SNX13: variants seen among roughly 807,000 people sequenced by gnomAD.
SNX13 encodes sorting nexin 13.
In SNX13, 45 loss-of-function variants were observed where a neutral mutation model predicts 133.6. The observed-to-expected ratio is 0.34, with a 90% CI of 0.27 to 0.43. The LOEUF (loss-of-function observed/expected upper bound fraction) is 0.43. SNX13 is among the 20% of genes least tolerant of loss of function. SNX13 has a pLI of 1.00. For missense variants in SNX13, 1,032 were observed against 1,145.1 expected, an observed-to-expected ratio of 0.90 and a Z score of 1.43; for synonymous variants, 414 against 373.9, an observed-to-expected ratio of 1.11 and a Z score of -1.24.
intron 11 of SNX13, among the ~76,000 whole-genome samples, chr7:17,847,713 C>G (rs1398299287): frequency 6.6e-6 from 1 of 152,176 alleles, no homozygotes; most frequent in Non-Finnish European, 1.5e-5. Flanking sequence ...GTTACTGTTT[C>G]TAATTTACCT....
intron 1 of SNX13, among the ~76,000 whole-genome samples, chr7:17,937,087 A>T (rs1252199635): frequency 6.6e-6 from 1 of 151,580 alleles, no homozygotes; most frequent in Non-Finnish European, 1.5e-5. Flanking sequence ...AAAAAAAAAA[A>T]AAATACATAC....
intron 20 of SNX13, among the ~76,000 whole-genome samples, chr7:17,806,999 G>A (rs1278825418): frequency 1.3e-5 from 2 of 152,122 alleles, no homozygotes; most frequent in African/African-American, 4.8e-5. Flanking sequence ...CGCCACCACG[G>A]GCCTGGGTTT....
At chr7:17,937,194 G>A (rs773170897) in intron 1 of SNX13, among the ~76,000 whole-genome samples, 5 of 151,494 alleles carry the variant, frequency 3.3e-5, no homozygotes, top group African/African-American at 7.3e-5. Context: ...AACTATATGG[G>A]AGCTATACTT....
intron 17 of SNX13, among the ~76,000 whole-genome samples, chr7:17,825,665 A>T (rs549736462): frequency 5.9e-5 from 9 of 152,294 alleles, no homozygotes; most frequent in African/African-American, 2.2e-4. Flanking sequence ...CTTTGTATAT[A>T]TGAAAACTAA....
intron 20 of SNX13, among the ~76,000 whole-genome samples, chr7:17,804,872 T>C (rs1415922074): frequency 6.6e-6 from 1 of 152,160 alleles, no homozygotes; most frequent in Non-Finnish European, 1.5e-5. Context: ...TAATAGATGG[T>C]AAGAAGACAA....
At chr7:17,850,478 T>C in intron 10 of SNX13, 43 bp from the exon 11 acceptor site, 2 of 1,216,388 alleles carry the variant, frequency 1.6e-6, no homozygotes, top group Non-Finnish European at 2.3e-6. Flanking sequence ...GTAGTGTTAT[T>C]TATGAAATAC....
chr7:17,916,749 A>T (rs1388962113), intron 1 of SNX13, among the ~76,000 whole-genome samples: 4 of 152,126 alleles, frequency 2.6e-5, no homozygotes, highest in Non-Finnish European at 5.9e-5. Context: ...AAGAGTTAGT[A>T]ACAATCCTAC....
chr7:17,800,978 A>G (rs1784544282), intron 22 of SNX13, among the ~76,000 whole-genome samples: 1 of 145,788 alleles, frequency 6.9e-6, no homozygotes, highest in South Asian at 2.1e-4. Flanking sequence ...ATAATTTGAA[A>G]AAGTACTTGG....
intron 1 of SNX13, among the ~76,000 whole-genome samples, chr7:17,907,092 GA>G (rs904076303): frequency 6.6e-6 from 1 of 151,958 alleles, no homozygotes; most frequent in Non-Finnish European, 1.5e-5. Context: ...CAAAATAATA[GA>G]AAAAAATCCT....
At chr7:17,827,771 G>GA (rs992446684) in intron 16 of SNX13, among the ~76,000 whole-genome samples, 17 of 149,036 alleles carry the variant, frequency 1.1e-4, no homozygotes, top group South Asian at 2.1e-4. Context: ...AAATGCTTTG[G>GA]AAAAAAAAAG....
intron 20 of SNX13, among the ~76,000 whole-genome samples, chr7:17,804,289 C>G (rs972162040): frequency 6.6e-6 from 1 of 152,076 alleles, no homozygotes; most frequent in Non-Finnish European, 1.5e-5. Context: ...TTCAAGGCAA[C>G]AGTTAGGTAT....
rs1583710921 is a variant in SNX13 at position 17,905,502 on chromosome 7, A to G, written c.13-8056T>C. ...TTAAATATTTTTAGAACTCCTTTTA[A>G]ATTGTCTTCAAAAGGCAGTTTTGCA... On this transcript the variant is annotated intron_variant, in intron 1 of 25. Transcript: ENST00000428135. 2.6e-5 allele frequency among the ~76,000 whole-genome samples: 4 copies of G among 152,330 alleles called. No individual in the cohort carries two copies. The South Asian group carries it at 8.3e-4, about 32-fold the overall frequency.
chr7:17,857,896 A>G (rs932159410), intron 9 of SNX13, among the ~76,000 whole-genome samples: 2 of 152,270 alleles, frequency 1.3e-5, no homozygotes, highest in South Asian at 4.1e-4. Flanking sequence ...CGATAAGCAT[A>G]ATACATGATG....
At position 17,814,841 on chromosome 7, in the gene SNX13, G is replaced by A. The variant is rs1354370986; in HGVS notation, c.2057C>T (p.Ala686Val). The change falls in exon 20 of 26, where the codon GCT (alanine) becomes GTT (valine). Residue 686 changes from alanine to valine, a missense_variant. Coordinates refer to ENST00000428135, the MANE Select transcript of SNX13 (RefSeq NM_015132.5). ...KAYSKGKGDF[A>V]RKMDTFVNPL... is the part of the protein sequence containing the mutation. ...AGTGGTCTGCTTACTTACCTTGCGA[G>A]CAAAATCCCCTTTTCCTTTACTGTA... The A allele has an allele frequency of 3.9e-6, 6 of 1,537,350 alleles. No individual in the cohort carries two copies. Among genetic ancestry groups the A allele is most frequent in the Non-Finnish European group, 5.2e-6 (6 of 1,147,402 alleles).
At position 17,801,594 on chromosome 7, in the gene SNX13, G is replaced by A. The variant is rs1248945893; in HGVS notation, c.2292C>T (p.Asp764=). ...AAGAATAAAATTAACTCACATTATC[G>A]TCAAGTTGAGCCGAAACTCGGCGAT... is the stretch of plus-strand genomic sequence containing the variant. ...PEHRRVSAQL[D]DNVDDNIPLR... The change falls in exon 22 of 26, where the codon GAC becomes GAT. Residue 764 remains aspartate (D), a synonymous_variant. Transcript: ENST00000428135. The A allele has an allele frequency of 6.8e-6, 11 of 1,606,256 alleles. No individual in the cohort carries two copies. Among genetic ancestry groups the A allele is most frequent in the South Asian group, 3.4e-5 (3 of 89,190 alleles).
intron 9 of SNX13, among the ~76,000 whole-genome samples, chr7:17,855,850 G>A (rs1176291508): frequency 1.3e-5 from 2 of 152,194 alleles, no homozygotes; most frequent in Non-Finnish European, 2.9e-5. Context: ...TTTAGGAAAT[G>A]CATTTTTTGT....
chr7:17,940,375 CCGCCGCCAACGGCGGCAA>C lies in SNX13; in HGVS notation c.-98_-81del. ...GTAGCAGCAGCGAAAACTGCTCGGG[CCGCCGCCAACGGCGGCAA>C]CTGCTCCTTCAGTCTTCTCCCGGGC... is the stretch of plus-strand genomic sequence containing the variant. On this transcript the variant is annotated 5_prime_UTR_variant, in exon 1 of 26. Coordinates refer to ENST00000428135, the MANE Select transcript of SNX13 (RefSeq NM_015132.5). 6.6e-7 allele frequency: 1 copy of C among 1,508,394 alleles called. No individual in the cohort carries two copies. Among genetic ancestry groups the C allele is most frequent in the Non-Finnish European group, 9.0e-7 (1 of 1,109,770 alleles). 93.4% of individuals were successfully genotyped at this position (1,508,394 alleles called of 1,614,324 possible).
At chr7:17,923,680 G>A (rs897500171) in intron 1 of SNX13, among the ~76,000 whole-genome samples, 3 of 152,110 alleles carry the variant, frequency 2.0e-5, no homozygotes, top group African/African-American at 7.2e-5. Flanking sequence ...CATATGCAGG[G>A]AGAACAGAGA....
intron 1 of SNX13, among the ~76,000 whole-genome samples, chr7:17,912,415 C>CA (rs1554273894): frequency 6.8e-6 from 1 of 147,734 alleles, no homozygotes; most frequent in East Asian, 2.0e-4. Context: ...GAGGAAAATG[C>CA]TTTTTTTTTT....
Sources: gnomAD v4.1 joint callset for allele counts (sites outside exome capture counted in the v4.1 genomes callset) on GRCh38, gnomAD v4.1.1 for gene constraint, MANE v1.5 for transcripts, NCBI Gene and HGNC (gene_info 2026-07-23, HGNC 2026-07-21) for gene names.